Variants in SSBP2 observed in about 807,000 individuals in gnomAD.
SSBP2 encodes the protein single-stranded DNA-binding protein 2.
SSBP2 carries 17 observed loss-of-function variants against 61.8 expected under a neutral mutation model. The observed-to-expected ratio is 0.28, with a 90% CI of 0.19 to 0.41. The LOEUF is 0.41. SSBP2 is among the 10% of genes least tolerant of loss of function. The probability of loss-of-function intolerance (pLI) is 1.00; values close to 1 mark genes in which losing one functional copy is unlikely to be tolerated. For missense variants in SSBP2, 310 were observed against 458.7 expected (o/e 0.68, Z 2.96); for synonymous variants, 139 against 141.3 (o/e 0.98, Z 0.12).
At chr5:81,678,206 G>GGAAATTCTAAGAATGAATCAAAAA (rs1246507995) in intron 1 of SSBP2, among the ~76,000 whole-genome samples, 1 of 151,958 alleles carries the variant, frequency 6.6e-6, no homozygotes, top group Non-Finnish European at 1.5e-5. Context: ...GAAGAGAGAT[G>GGAAATTCTAAGAATGAATCAAAAA]GAAATTCTAA....
chr5:81,478,319 C>T lies in SSBP2; in HGVS notation c.433-3757G>A, dbSNP rs191253650. Among the ~76,000 whole-genome samples the T allele has an allele frequency of 2.7e-4, 41 of 151,972 alleles. 1 individual carries two copies. The highest frequency in any genetic ancestry group is 6.8e-3 in the Middle Eastern group (2 of 294). ...GGGGCTACAGATGCATGCCCCCACA[C>T]CTGCCTAATTTTTTATTTTTATTTA... On this transcript the variant is annotated intron_variant, in intron 6 of 16. Transcript: ENST00000320672.
chr5:81,430,886 T>G (rs1288192118), intron 15 of SSBP2, among the ~76,000 whole-genome samples: 5 of 152,206 alleles, frequency 3.3e-5, no homozygotes, highest in African/African-American at 1.2e-4. Flanking sequence ...ATAGGACAAT[T>G]GGGTTTTTTT....
At chr5:81,735,165 A>G (rs1756517151) in intron 1 of SSBP2, among the ~76,000 whole-genome samples, 1 of 152,174 alleles carries the variant, frequency 6.6e-6, no homozygotes, top group African/African-American at 2.4e-5. Context: ...TATTAAATAT[A>G]TAGAGATAAA....
chr5:81,602,603 G>T (rs138364045), intron 4 of SSBP2, among the ~76,000 whole-genome samples: 1 of 152,136 alleles, frequency 6.6e-6, no homozygotes, highest in Non-Finnish European at 1.5e-5. Flanking sequence ...CCCTGAGACC[G>T]CATTTTCCTA....
intron 4 of SSBP2, among the ~76,000 whole-genome samples, chr5:81,524,658 T>G (rs1189213188): frequency 1.3e-5 from 2 of 152,092 alleles, no homozygotes; most frequent in East Asian, 3.9e-4. Context: ...GCAATTCTTC[T>G]TCTGGTTAAA....
intron 4 of SSBP2, among the ~76,000 whole-genome samples, chr5:81,553,495 T>C (rs1024289862): frequency 1.3e-5 from 2 of 152,180 alleles, no homozygotes; most frequent in Non-Finnish European, 2.9e-5. Flanking sequence ...ATATCATTAC[T>C]GAAGTAAACT....
chr5:81,750,348 C>T (rs927520185), intron 1 of SSBP2, among the ~76,000 whole-genome samples: 43 of 146,896 alleles, frequency 2.9e-4, no homozygotes, highest in African/African-American at 9.8e-4. Context: ...CCGCACACGC[C>T]CTCCGCGCCC....
chr5:81,615,703 C>T (rs1262364354), intron 3 of SSBP2, 146 bp from the exon 4 acceptor site: 5 of 574,078 alleles, frequency 8.7e-6, no homozygotes, highest in Non-Finnish European at 1.5e-5. Flanking sequence ...TAAACGCAAG[C>T]AAGGCTCTTC....
chr5:81,424,381 A>G (rs1271462217), intron 16 of SSBP2, among the ~76,000 whole-genome samples: 1 of 152,150 alleles, frequency 6.6e-6, no homozygotes, highest in African/African-American at 2.4e-5. Context: ...CCAAGATCGC[A>G]CCATTGCATT....
chr5:81,615,006 T>C (rs113992807), intron 4 of SSBP2: 1 of 152,718 alleles, frequency 6.5e-6, no homozygotes, highest in Admixed American at 6.5e-5. Context: ...TAAATTTTAT[T>C]TGGGGAAGTG....
Position 81,440,551 on chromosome 5 carries a change from G to C in SSBP2, c.928+7C>G, listed in dbSNP as rs776459736. 6.2e-7 allele frequency: 1 copy of C among 1,610,474 alleles called. No individual in the cohort carries two copies. Among genetic ancestry groups the C allele is most frequent in the South Asian group, 1.1e-5 (1 of 90,978 alleles). On this transcript the variant is annotated splice_region_variant and intron_variant, in intron 14 of 16. Coordinates refer to ENST00000320672, the MANE Select transcript of SSBP2 (RefSeq NM_012446.5). ...TTTATTCTAAACATCAAATTGAAAA[G>C]CCTTACCTAAAGAGCCATTCATGTG...
chr5:81,706,677 G>T (rs1483208168), intron 1 of SSBP2, among the ~76,000 whole-genome samples: 1 of 152,154 alleles, frequency 6.6e-6, no homozygotes, highest in Non-Finnish European at 1.5e-5. Context: ...TTACCCAACA[G>T]AATTTAATCT....
chr5:81,526,103 G>A (rs1454199355), intron 4 of SSBP2, among the ~76,000 whole-genome samples: 1 of 151,976 alleles, frequency 6.6e-6, no homozygotes, highest in South Asian at 2.1e-4. Flanking sequence ...CATCTCCTCT[G>A]AAAGAACTTA....
rs374691719 is a variant in SSBP2, at chr5:81,588,668, T to A, written c.282+26805A>T. Reference sequence around the variant, plus strand: ...CACTGTGTGAGTGCTCAGTAAATACTTGTTCATCAAACTCAACTTTCTCAT... The same window carrying A: ...CACTGTGTGAGTGCTCAGTAAATACATGTTCATCAAACTCAACTTTCTCAT... On this transcript the variant is annotated intron_variant, in intron 4 of 16. Coordinates refer to ENST00000320672, the MANE Select transcript of SSBP2 (RefSeq NM_012446.5). Among the ~76,000 whole-genome samples, 68 of 152,284 alleles carry A rather than the reference T, an allele frequency of 4.5e-4. 1 individual carries two copies. In the South Asian group the frequency reaches 0.014, roughly 31 times the overall value.
At chr5:81,682,208 C>T (rs780943812) in intron 1 of SSBP2, among the ~76,000 whole-genome samples, 1 of 152,172 alleles carries the variant, frequency 6.6e-6, no homozygotes, top group Non-Finnish European at 1.5e-5. Context: ...CTAACTCATT[C>T]TATCAATACC....
intron 4 of SSBP2, among the ~76,000 whole-genome samples, chr5:81,601,570 A>G (rs1444573990): frequency 3.3e-5 from 5 of 152,144 alleles, no homozygotes; most frequent in African/African-American, 7.2e-5. Flanking sequence ...GGTACATGAG[A>G]TCTCTCTGTA....
chr5:81,667,110 T>C (rs1309601829), intron 1 of SSBP2, among the ~76,000 whole-genome samples: 2 of 151,912 alleles, frequency 1.3e-5, no homozygotes, highest in East Asian at 1.9e-4. Flanking sequence ...GGGGAAAAAA[T>C]AGGTGGAGTC....
rs1761203287 is a variant in SSBP2, at chr5:81,413,296, C to CACACACATACACGA, written c.*7194_*7207dup. 6.6e-6 allele frequency: 1 copy of CACACACATACACGA among 152,342 alleles called. No individual in the cohort carries two copies. Among genetic ancestry groups the CACACACATACACGA allele is most frequent in the East Asian group, 1.9e-4 (1 of 5,196 alleles). 9.4% of individuals were successfully genotyped at this position (152,342 alleles called of 1,614,324 possible). On this transcript the variant is annotated 3_prime_UTR_variant, in exon 17 of 17. Transcript: ENST00000320672. The stretch of plus-strand genomic sequence containing the variant: ...ATGCAGTAATGTGCACATGCACGCA[C>CACACACATACACGA]ACACACATACACGAACACACATACA...
chr5:81,442,947 G>T, intron 12 of SSBP2: 1 of 333,710 alleles, frequency 3.0e-6, no homozygotes, highest in South Asian at 1.1e-4. Context: ...CAATAATTCA[G>T]GTAAAAGGAT....
Sources: gnomAD v4.1 joint callset for allele counts (sites outside exome capture counted in the v4.1 genomes callset) on GRCh38, gnomAD v4.1.1 for gene constraint, MANE v1.5 for transcripts, NCBI Gene and HGNC (gene_info 2026-07-23, HGNC 2026-07-21) for gene names.